Variants in RBM23 observed in about 807,000 individuals in gnomAD.
The protein encoded by RBM23 is probable RNA-binding protein 23.
In RBM23, 53 loss-of-function variants were observed where a neutral mutation model predicts 56.2. That is an observed-to-expected ratio of 0.94 (90% CI 0.76 to 1.19). The LOEUF (loss-of-function observed/expected upper bound fraction) is 1.19, where lower values mean the gene tolerates loss of function less well. Among genes scored for constraint, RBM23 ranks in the 50% most tolerant of loss-of-function variants. The pLI is 0.00. For synonymous variants in RBM23, 197 were observed against 198.5 expected, an observed-to-expected ratio of 0.99 and a Z score of 0.06; for missense variants, 642 against 590.3, an observed-to-expected ratio of 1.09 and a Z score of -0.91.
chr14:22,901,415 T>C lies in RBM23; in HGVS notation c.*315A>G, dbSNP rs2040473346. 1.2e-5 allele frequency: 6 copies of C among 490,856 alleles called. No individual in the cohort carries two copies. The highest frequency in any genetic ancestry group is 3.3e-5 in the East Asian group (1 of 29,960). The allele number at this position is 490,856 out of a possible 1,614,324, so 30.4% of individuals were successfully genotyped here. A position where few individuals can be genotyped will look rare whatever the true frequency, so the allele number is the denominator to read the frequency against. Reference sequence around the variant, plus strand: ...TATGGCCTTCCCAATGGGGGAGAAATTGAGGAATCACTAAGGTGTTGGAAA... The same window carrying C: ...TATGGCCTTCCCAATGGGGGAGAAACTGAGGAATCACTAAGGTGTTGGAAA... On this transcript the variant is annotated 3_prime_UTR_variant, in exon 14 of 14. Coordinates refer to ENST00000359890, the MANE Select transcript of RBM23 (RefSeq NM_001077351.2).
At chr14:22,905,476 A>C (rs1358898319) in intron 6 of RBM23, 23 bp from the exon 7 acceptor site, 3 of 1,611,788 alleles carry the variant, frequency 1.9e-6, no homozygotes, top group Non-Finnish European at 2.5e-6. Flanking sequence ...ATGTGTTGAG[A>C]CCAGCCCTCC....
intron 4 of RBM23, 53 bp from the exon 5 acceptor site, chr14:22,906,421 C>A: frequency 6.3e-7 from 1 of 1,592,312 alleles, no homozygotes; most frequent in Non-Finnish European, 8.6e-7. Flanking sequence ...GGCCAACAAC[C>A]AAGTGCATAT....
Position 22,914,772 on chromosome 14 carries a change from C to G in RBM23, c.-10-3369G>C, listed in dbSNP as rs535876879. Among the ~76,000 whole-genome samples, 88 of 152,188 alleles carry G rather than the reference C, an allele frequency of 5.8e-4. 1 individual carries two copies. The South Asian group carries it at 0.017, about 29-fold the overall frequency. ...CCAAGGTGGGTGGATCACCTGAGGT[C>G]AGGAGTTCAATACCAGCCTGACGGA... is the stretch of plus-strand genomic sequence containing the variant. On this transcript the variant is annotated intron_variant, in intron 1 of 13. Transcript: ENST00000359890.
At chr14:22,906,465 GAGA>G in intron 4 of RBM23, 97 bp from the exon 5 acceptor site, 1 of 1,400,662 alleles carries the variant, frequency 7.1e-7, no homozygotes, top group African/African-American at 1.4e-5. Flanking sequence ...TAACGGTGCT[GAGA>G]AGTTCGTATA....
chr14:22,900,754 A>T lies in RBM23; in HGVS notation c.*976T>A, dbSNP rs538921197. Reference sequence around the variant, plus strand: ...CAAATGGGCAACAGCTGCCACAAGGAGGAGGCTTGCCTTTTGTACAAAGTT... The same window carrying T: ...CAAATGGGCAACAGCTGCCACAAGGTGGAGGCTTGCCTTTTGTACAAAGTT... On this transcript the variant is annotated 3_prime_UTR_variant, in exon 14 of 14. Transcript: ENST00000359890. 1.3e-5 allele frequency: 2 copies of T among 152,102 alleles called. No homozygotes were observed. The highest frequency in any genetic ancestry group is 4.1e-4 in the South Asian group (2 of 4,828). The allele number at this position is 152,102 out of a possible 1,614,324, so 9.4% of individuals were successfully genotyped here. A position where few individuals can be genotyped will look rare whatever the true frequency, so the allele number is the denominator to read the frequency against.
At chr14:22,917,640 G>C (rs2043782249) in intron 1 of RBM23, 1 of 151,126 alleles carries the variant, frequency 6.6e-6, no homozygotes, top group South Asian at 2.1e-4. Context: ...GCGATCTCCT[G>C]ACCTCGTGAT....
chr14:22,904,393 G>C, intron 9 of RBM23, 67 bp from the exon 10 acceptor site: 50 of 1,179,018 alleles, frequency 4.2e-5, no homozygotes, highest in Non-Finnish European at 5.2e-5. Context: ...TTCCTACCCA[G>C]ACTGCTTTTT....
At position 22,897,169 on chromosome 14, in the gene RBM23, A is replaced by T. The variant is rs2040261337; in HGVS notation, c.*4561T>A. The T allele has an allele frequency of 6.6e-6, 1 of 152,258 alleles. No individual in the cohort carries two copies. The highest frequency in any genetic ancestry group is 1.5e-5 in the Non-Finnish European group (1 of 68,042). 9.4% of individuals were successfully genotyped at this position (152,258 alleles called of 1,614,324 possible). On this transcript the variant is annotated 3_prime_UTR_variant, in exon 14 of 14. Coordinates refer to ENST00000359890, the MANE Select transcript of RBM23 (RefSeq NM_001077351.2). ...TGACTTTAACACTTTAATGAACAGCATTCATTCAATTCTACAGACATTTAA... is the reference window on the plus strand; with the variant it reads ...TGACTTTAACACTTTAATGAACAGCTTTCATTCAATTCTACAGACATTTAA...
chr14:22,911,258 G>C, intron 2 of RBM23, 70 bp downstream of exon 2: 1 of 1,246,208 alleles, frequency 8.0e-7, no homozygotes, highest in Non-Finnish European at 1.2e-6. Flanking sequence ...AATGTTGAAA[G>C]TTGAAAGTGA....
In RBM23 at chr14:22,909,481, ACTTG is replaced by A. The variant is rs1181757665; in HGVS notation, c.177_179+1del. ...CAACCCATTTCTTCCTCCCACACTC[ACTTG>A]CTTGTCTCCCCGATGGTGCTGCTTC... On this transcript the variant is annotated splice_donor_variant and coding_sequence_variant, in exon 3 of 14. Coordinates refer to ENST00000359890, the MANE Select transcript of RBM23 (RefSeq NM_001077351.2). LOFTEE classifies it high-confidence loss of function. The A allele has an allele frequency of 3.1e-6, 5 of 1,611,574 alleles. No individual in the cohort carries two copies. Among genetic ancestry groups the A allele is most frequent in the Non-Finnish European group, 2.5e-6 (3 of 1,178,986 alleles).
In RBM23 at chr14:22,900,808, T is replaced by C. The variant is rs1461519510; in HGVS notation, c.*922A>G. On this transcript the variant is annotated 3_prime_UTR_variant, in exon 14 of 14. Coordinates refer to ENST00000359890, the MANE Select transcript of RBM23 (RefSeq NM_001077351.2). ...ATGTATATATATATGTATATATATT[T>C]ATGTACACAGACACAAGGGTATAAA... The C allele has an allele frequency of 6.6e-6, 1 of 151,988 alleles. No individual in the cohort carries two copies. The highest frequency in any genetic ancestry group is 2.4e-5 in the African/African-American group (1 of 41,352). The allele number at this position is 151,988 out of a possible 1,614,324, so 9.4% of individuals were successfully genotyped here. A position where few individuals can be genotyped will look rare whatever the true frequency, so the allele number is the denominator to read the frequency against.
rs766858995 is a variant in RBM23 at position 22,898,119 on chromosome 14, T to A, written c.*3611A>T. The A allele has an allele frequency of 2.0e-5, 3 of 152,214 alleles. No homozygotes were observed. The highest frequency in any genetic ancestry group is 4.4e-5 in the Non-Finnish European group (3 of 68,034). The allele number at this position is 152,214 out of a possible 1,614,324, so 9.4% of individuals were successfully genotyped here. A position where few individuals can be genotyped will look rare whatever the true frequency, so the allele number is the denominator to read the frequency against. On this transcript the variant is annotated 3_prime_UTR_variant, in exon 14 of 14. Transcript: ENST00000359890. Reference sequence around the variant, plus strand: ...ATAATTCCATCCTTCAGGTTTTTACTCAATTCCCTTCATGATATGCTCCAG... The same window carrying A: ...ATAATTCCATCCTTCAGGTTTTTACACAATTCCCTTCATGATATGCTCCAG...
At position 22,905,670 on chromosome 14, in the gene RBM23, G is replaced by GA. The variant is rs1566550724; in HGVS notation, c.402-12dup. On this transcript the variant is annotated splice_polypyrimidine_tract_variant and intron_variant, in intron 5 of 13. Coordinates refer to ENST00000359890, the MANE Select transcript of RBM23 (RefSeq NM_001077351.2). ...TGTCCATACCTATAACTAAAGAATA[G>GA]AGAAAAACAAAAGGTGAAACCTTAT... 6.3e-7 allele frequency: 1 copy of GA among 1,595,226 alleles called. No individual in the cohort carries two copies. Among genetic ancestry groups the GA allele is most frequent in the South Asian group, 1.1e-5 (1 of 90,352 alleles).
intron 9 of RBM23, 92 bp from the exon 10 acceptor site, chr14:22,904,418 CAG>C (rs2041165684): frequency 1.8e-6 from 2 of 1,118,794 alleles, no homozygotes; most frequent in South Asian, 1.4e-5. Context: ...TTTTTTGAGA[CAG>C]AGTCTCAAAA....
At position 22,905,421 on chromosome 14, in the gene RBM23, C is replaced by G; in HGVS notation, c.488G>C (p.Arg163Pro). Residue 163 changes from arginine to proline, a missense_variant, in exon 7 of 14, where the codon CGT (arginine) becomes CCT (proline). Coordinates refer to ENST00000359890, the MANE Select transcript of RBM23 (RefSeq NM_001077351.2). ...EPVDNLSPEE[R>P]DARTVFCMQL... ...CATACAGAAAACTGTGCGGGCATCA[C>G]GCTCCTCAGGACTCAGATTATCAAC... is the stretch of plus-strand genomic sequence containing the variant. The G allele has an allele frequency of 6.2e-7, 1 of 1,614,178 alleles. No individual in the cohort carries two copies. The highest frequency in any genetic ancestry group is 8.5e-7 in the Non-Finnish European group (1 of 1,180,036).
rs1349547444 is a variant in RBM23 at position 22,899,470 on chromosome 14, T to TC, written c.*2259dup. 6.6e-6 allele frequency: 1 copy of TC among 152,300 alleles called. No individual in the cohort carries two copies. Among genetic ancestry groups the TC allele is most frequent in the Non-Finnish European group, 1.5e-5 (1 of 68,132 alleles). The allele number at this position is 152,300 out of a possible 1,614,324, so 9.4% of individuals were successfully genotyped here. ...TCCTCGGCTCACTGCAACCTCCGCCTCCCAGGCTCAAGCGATTCTCCTGTC... is the reference window on the plus strand; with the variant it reads ...TCCTCGGCTCACTGCAACCTCCGCCTCCCCAGGCTCAAGCGATTCTCCTGTC... On this transcript the variant is annotated 3_prime_UTR_variant, in exon 14 of 14. Coordinates refer to ENST00000359890, the MANE Select transcript of RBM23 (RefSeq NM_001077351.2).
intron 3 of RBM23, 179 bp from the exon 4 acceptor site, chr14:22,908,559 A>AT (rs976114385): frequency 2.3e-5 from 13 of 565,558 alleles, no homozygotes; most frequent in Admixed American, 1.4e-4. Flanking sequence ...TGCCCAGCTA[A>AT]TTTTTTATAT....
In RBM23 at chr14:22,906,347, C is replaced by T. The variant is rs766788037; in HGVS notation, c.249G>A (p.Arg83=). The change falls in exon 5 of 14, where the codon CGG becomes CGA. Residue 83 remains arginine, a synonymous_variant. Coordinates refer to ENST00000359890, the MANE Select transcript of RBM23 (RefSeq NM_001077351.2). The stretch of plus-strand genomic sequence containing the variant: ...GGCTCCGACTATTTCTCCGTCTATA[C>T]CGATCCCGATCTCGACTACGACTAC... ...RKRSRSRDRD[R]YRRRNSRSRS... 6.2e-7 allele frequency: 1 copy of T among 1,614,190 alleles called. No homozygotes were observed. The highest frequency in any genetic ancestry group is 1.7e-5 in the Admixed American group (1 of 60,022).
chr14:22,911,066 G>C (rs1426133367), intron 2 of RBM23, among the ~76,000 whole-genome samples: 6 of 152,158 alleles, frequency 3.9e-5, no homozygotes, highest in African/African-American at 1.2e-4. Context: ...TTTCTACTGT[G>C]TCACTTCGAG....
Sources: gnomAD v4.1 joint callset for allele counts (sites outside exome capture counted in the v4.1 genomes callset) on GRCh38, gnomAD v4.1.1 for gene constraint, MANE v1.5 for transcripts, NCBI Gene and HGNC (gene_info 2026-07-23, HGNC 2026-07-21) for gene names.